Variants in IFTAP observed in about 807,000 individuals in gnomAD.
IFTAP encodes intraflagellar transport associated protein.
In IFTAP, 19 loss-of-function variants were observed where a neutral mutation model predicts 19.4. The observed-to-expected ratio is 0.98, with a 90% CI of 0.68 to 1.44. IFTAP has a LOEUF of 1.44. Ranked by LOEUF, IFTAP falls within the 40% of genes most tolerant of loss-of-function variation. IFTAP has a pLI of 0.00. For synonymous variants in IFTAP, 85 were observed against 83.5 expected (o/e 1.02, Z -0.10); for missense variants, 240 against 253.6 (o/e 0.95, Z 0.36).
chr11:36,602,907 G>A (rs921999580), intron 1 of IFTAP, among the ~76,000 whole-genome samples: 6 of 152,052 alleles, frequency 3.9e-5, no homozygotes, highest in Non-Finnish European at 8.8e-5. Context: ...CCTGAGATTT[G>A]TCTTATGAGT....
intron 4 of IFTAP, among the ~76,000 whole-genome samples, chr11:36,644,750 T>A (rs1207566203): frequency 6.8e-6 from 1 of 146,580 alleles, no homozygotes; most frequent in African/African-American, 2.5e-5. Context: ...ATCGTAAGGA[T>A]AAAAAAACCA....
intron 4 of IFTAP, among the ~76,000 whole-genome samples, chr11:36,644,134 A>G (rs1480789609): frequency 1.3e-5 from 2 of 152,202 alleles, no homozygotes; most frequent in Non-Finnish European, 2.9e-5. Flanking sequence ...TCTATAAATA[A>G]CTCAAACAAG....
intron 2 of IFTAP, among the ~76,000 whole-genome samples, chr11:36,617,599 G>A (rs1344741620): frequency 6.6e-6 from 1 of 151,938 alleles, no homozygotes; most frequent in African/African-American, 2.4e-5. Flanking sequence ...AGGACTGTCT[G>A]TACTGCTTTA....
chr11:36,597,505 A>G (rs1374631582), intron 1 of IFTAP: 2 of 152,164 alleles, frequency 1.3e-5, no homozygotes, highest in African/African-American at 2.4e-5. Flanking sequence ...TCCCAACCCC[A>G]TGCTAACATT....
chr11:36,642,551 C>G (rs1433147370), intron 4 of IFTAP, among the ~76,000 whole-genome samples: 3 of 151,894 alleles, frequency 2.0e-5, no homozygotes, highest in Non-Finnish European at 4.4e-5. Flanking sequence ...AGAGACACAA[C>G]AAAAAAAGAG....
At chr11:36,636,183 A>G in intron 4 of IFTAP, 66 bp downstream of exon 4, 1 of 1,266,058 alleles carries the variant, frequency 7.9e-7, no homozygotes, top group Non-Finnish European at 1.1e-6. Flanking sequence ...AAGGCTTTAG[A>G]CAGCTTTCCT....
chr11:36,638,535 A>G (rs1853056622), intron 4 of IFTAP, among the ~76,000 whole-genome samples: 3 of 152,244 alleles, frequency 2.0e-5, no homozygotes, highest in Admixed American at 2.0e-4. Flanking sequence ...TTCATAATGC[A>G]CAATCTGGGT....
At chr11:36,619,467 T>C (rs1455101805) in intron 2 of IFTAP, among the ~76,000 whole-genome samples, 1 of 151,968 alleles carries the variant, frequency 6.6e-6, no homozygotes, top group Non-Finnish European at 1.5e-5. Context: ...GAGAAAAATA[T>C]AGAAAGCAGC....
intron 2 of IFTAP, among the ~76,000 whole-genome samples, chr11:36,612,290 T>C (rs1243385132): frequency 6.6e-6 from 1 of 151,944 alleles, no homozygotes. Context: ...GTTTTTTTTT[T>C]TCTTTCAAAA....
intron 2 of IFTAP, among the ~76,000 whole-genome samples, chr11:36,620,297 C>T (rs1852245726): frequency 6.6e-6 from 1 of 151,848 alleles, no homozygotes; most frequent in African/African-American, 2.4e-5. Context: ...ATAGCAGAGT[C>T]CTGTGGAGGA....
intron 1 of IFTAP, among the ~76,000 whole-genome samples, chr11:36,602,151 A>C (rs1215782731): frequency 6.6e-6 from 1 of 152,232 alleles, no homozygotes; most frequent in East Asian, 1.9e-4. Context: ...TTATAATTCA[A>C]AATAGCTGGG....
chr11:36,625,725 G>C (rs564977695), intron 2 of IFTAP, among the ~76,000 whole-genome samples: 49 of 152,288 alleles, frequency 3.2e-4, no homozygotes, highest in African/African-American at 1.2e-3. Context: ...TATTCTAGAA[G>C]GGGGAAACTG....
chr11:36,640,940 AC>A (rs1853170343), intron 4 of IFTAP, among the ~76,000 whole-genome samples: 1 of 152,120 alleles, frequency 6.6e-6, no homozygotes, highest in Non-Finnish European at 1.5e-5. Flanking sequence ...ATGTAGCAGT[AC>A]AAAAAATTCA....
In IFTAP at chr11:36,624,808, T is replaced by C. The variant is rs529446946; in HGVS notation, c.137-8476T>C. Among the ~76,000 whole-genome samples, 62 of 152,144 alleles carry C rather than the reference T, an allele frequency of 4.1e-4. No homozygotes were observed. The South Asian group carries it at 0.013, about 32-fold the overall frequency. On this transcript the variant is annotated intron_variant, in intron 2 of 5. Transcript: ENST00000334307. The stretch of plus-strand genomic sequence containing the variant: ...CTGTAGTCATGGCAGAGCAGAAAGA[T>C]AGAAGCCTGGGTCAGATGACTTTGT...
intron 3 of IFTAP, among the ~76,000 whole-genome samples, chr11:36,635,286 G>A (rs971378142): frequency 9.9e-5 from 15 of 152,136 alleles, no homozygotes; most frequent in African/African-American, 3.6e-4. Context: ...TGCCAGTGGT[G>A]AGATCATTTT....
chr11:36,628,349 C>A (rs962446517), intron 2 of IFTAP, among the ~76,000 whole-genome samples: 1 of 151,318 alleles, frequency 6.6e-6, no homozygotes, highest in African/African-American at 2.5e-5. Flanking sequence ...TCACAGTGCT[C>A]ACCTGTTGAA....
intron 1 of IFTAP, 111 bp downstream of exon 1, chr11:36,594,703 G>A (rs781348585): frequency 1.2e-5 from 2 of 161,374 alleles, no homozygotes; most frequent in Non-Finnish European, 2.7e-5. Flanking sequence ...GCCCGGAGCG[G>A]TGTCGGGCAA....
At chr11:36,614,121 A>T (rs1475772786) in intron 2 of IFTAP, among the ~76,000 whole-genome samples, 1 of 135,506 alleles carries the variant, frequency 7.4e-6, no homozygotes, top group African/African-American at 2.9e-5. Flanking sequence ...TCCTGTGTCC[A>T]TGTGATCTCA....
intron 2 of IFTAP, among the ~76,000 whole-genome samples, chr11:36,623,463 G>A (rs1256150751): frequency 1.3e-5 from 2 of 151,828 alleles, no homozygotes; most frequent in Non-Finnish European, 2.9e-5. Flanking sequence ...CAGTGAAAAA[G>A]GATGATGGGT....
Sources: allele counts gnomAD v4.1 joint callset (sites outside exome capture counted in the v4.1 genomes callset), GRCh38; gene constraint gnomAD v4.1.1; transcripts MANE v1.5; gene names NCBI Gene and HGNC (gene_info 2026-07-23, HGNC 2026-07-21).